FHIP1A: variants seen among roughly 807,000 people sequenced by gnomAD.
FHIP1A encodes the protein FHF complex subunit HOOK interacting protein 1A, also known as FHF complex subunit HOOK-interacting protein 1A.
In FHIP1A, 61 loss-of-function variants were observed where a neutral mutation model predicts 88.6. That is an observed-to-expected ratio of 0.69 (90% CI 0.56 to 0.85). The LOEUF (loss-of-function observed/expected upper bound fraction) is 0.85. Ranked by LOEUF, FHIP1A falls within the 40% of genes least tolerant of loss-of-function variation. The pLI is 0.00. For missense variants in FHIP1A, 1,154 were observed against 1,273.5 expected (o/e 0.91, Z 1.43); for synonymous variants, 478 against 496.0 (o/e 0.96, Z 0.48).
At chr4:151,418,798 G>A (rs745775498) in intron 1 of FHIP1A, among the ~76,000 whole-genome samples, 1 of 152,102 alleles carries the variant, frequency 6.6e-6, no homozygotes, top group Non-Finnish European at 1.5e-5. Context: ...CATCTTAATT[G>A]CCTACCAGAG....
intron 3 of FHIP1A, among the ~76,000 whole-genome samples, chr4:151,502,398 T>C (rs958189505): frequency 1.3e-5 from 2 of 151,772 alleles, no homozygotes; most frequent in Admixed American, 1.3e-4. Flanking sequence ...ATAGGTAATA[T>C]CAGTTTAAAA....
intron 7 of FHIP1A, among the ~76,000 whole-genome samples, chr4:151,595,642 A>G (rs1734618250): frequency 6.6e-6 from 1 of 152,168 alleles, no homozygotes; most frequent in Admixed American, 6.5e-5. Flanking sequence ...GTCTCCCGCT[A>G]TTATTGTGTG....
At chr4:151,616,787 G>T (rs1735549675) in intron 7 of FHIP1A, among the ~76,000 whole-genome samples, 1 of 148,420 alleles carries the variant, frequency 6.7e-6, no homozygotes, top group Non-Finnish European at 1.5e-5. Context: ...TCACTCTGTT[G>T]CCCAGGCTGG....
intron 11 of FHIP1A, among the ~76,000 whole-genome samples, chr4:151,652,590 G>C (rs1397422647): frequency 6.6e-6 from 1 of 152,202 alleles, no homozygotes; most frequent in Non-Finnish European, 1.5e-5. Context: ...ACTTTTAGAG[G>C]AGACCCCAAC....
chr4:151,449,266 C>T (rs1320909477), intron 1 of FHIP1A, among the ~76,000 whole-genome samples: 2 of 152,000 alleles, frequency 1.3e-5, no homozygotes, highest in Admixed American at 6.6e-5. Flanking sequence ...CACTACAATC[C>T]TTTGAGGCAG....
rs952878610 is a variant in FHIP1A at position 151,415,233 on chromosome 4, C to G, written c.-356+5768C>G. ...ATGGAGTCTTGCTCTGTCACCCAGG[C>G]TGGAGTGCAGTGGTGCAATGTCAGC... On this transcript the variant is annotated intron_variant, in intron 1 of 13. Coordinates refer to ENST00000435205, the MANE Select transcript of FHIP1A (RefSeq NM_001109977.3). Among the ~76,000 whole-genome samples the G allele has an allele frequency of 6.6e-5, 10 of 150,826 alleles. 1 individual carries two copies. The highest frequency in any genetic ancestry group is 1.5e-4 in the Non-Finnish European group (10 of 67,888).
intron 7 of FHIP1A, among the ~76,000 whole-genome samples, chr4:151,592,238 G>A (rs750589972): frequency 7.9e-5 from 12 of 152,016 alleles, no homozygotes; most frequent in Admixed American, 6.5e-5. Flanking sequence ...AGGTTCATGC[G>A]ATTCTCCTGC....
intron 8 of FHIP1A, among the ~76,000 whole-genome samples, chr4:151,630,178 CA>C (rs1736104048): frequency 6.6e-6 from 1 of 152,052 alleles, no homozygotes; most frequent in Non-Finnish European, 1.5e-5. Context: ...TCTGTGGGGG[CA>C]AGATGCAAGG....
chr4:151,509,923 G>C (rs971178734), intron 3 of FHIP1A, among the ~76,000 whole-genome samples: 9 of 152,100 alleles, frequency 5.9e-5, no homozygotes, highest in African/African-American at 1.9e-4. Flanking sequence ...CTTTTGGGAG[G>C]CCCAATAATT....
At chr4:151,640,779 C>T (rs1025942863) in intron 9 of FHIP1A, among the ~76,000 whole-genome samples, 2 of 152,182 alleles carry the variant, frequency 1.3e-5, no homozygotes, top group Non-Finnish European at 2.9e-5. Context: ...CTCTTGCTTG[C>T]TGGCTGTTCA....
intron 2 of FHIP1A, among the ~76,000 whole-genome samples, chr4:151,462,022 C>T (rs1046301726): frequency 1.4e-4 from 21 of 152,164 alleles, no homozygotes; most frequent in Non-Finnish European, 2.2e-4. Flanking sequence ...ATTAGCCAGG[C>T]ATGGTGGTGC....
intron 3 of FHIP1A, among the ~76,000 whole-genome samples, chr4:151,505,456 T>C (rs141909346): frequency 1.3e-5 from 2 of 152,324 alleles, no homozygotes; most frequent in East Asian, 3.9e-4. Context: ...TTACAGTCTA[T>C]CATCGACCCC....
intron 3 of FHIP1A, among the ~76,000 whole-genome samples, chr4:151,553,129 C>A (rs1368155945): frequency 6.6e-6 from 1 of 152,096 alleles, no homozygotes; most frequent in Admixed American, 6.6e-5. Flanking sequence ...TGAACATGAT[C>A]TACAGAAATT....
rs571671503 is a variant in FHIP1A at position 151,431,769 on chromosome 4, G to C, written c.-356+22304G>C. 2.6e-3 allele frequency among the ~76,000 whole-genome samples: 395 copies of C among 152,310 alleles called. 12 individuals carry two copies. In the South Asian group the frequency reaches 0.078, roughly 30 times the overall value. ...CAAGCAAAATGTATTGAAATATTCT[G>C]ACATGAGTTGAACAATTTAAAACTG... On this transcript the variant is annotated intron_variant, in intron 1 of 13. Transcript: ENST00000435205.
intron 3 of FHIP1A, among the ~76,000 whole-genome samples, chr4:151,513,629 CA>C (rs1731118289): frequency 2.0e-5 from 3 of 151,368 alleles, no homozygotes; most frequent in South Asian, 4.2e-4. Flanking sequence ...CAATGGAAAA[CA>C]AAAAAAGGCA....
At chr4:151,608,028 TTTC>T (rs1407525962) in intron 7 of FHIP1A, among the ~76,000 whole-genome samples, 220 of 141,842 alleles carry the variant, frequency 1.6e-3, no homozygotes, top group Non-Finnish European at 2.5e-3. Flanking sequence ...TTTCTTTTTC[TTTC>T]TTCTTCTTTT....
chr4:151,442,706 T>G (rs1228178064), intron 1 of FHIP1A, among the ~76,000 whole-genome samples: 1 of 151,982 alleles, frequency 6.6e-6, no homozygotes, highest in African/African-American at 2.4e-5. Context: ...GGGTTTGGAG[T>G]AGGGGAGGAT....
chr4:151,565,076 C>T (rs892508306), intron 3 of FHIP1A, among the ~76,000 whole-genome samples: 2 of 152,078 alleles, frequency 1.3e-5, no homozygotes, highest in Admixed American at 6.6e-5. Context: ...TGGCTACCCC[C>T]TGTTTTCTTT....
chr4:151,542,655 C>T (rs1732339693), intron 3 of FHIP1A, among the ~76,000 whole-genome samples: 1 of 152,150 alleles, frequency 6.6e-6, no homozygotes, highest in Non-Finnish European at 1.5e-5. Context: ...ATGAACTGGC[C>T]CCTGACTCCC....
Sources: allele counts gnomAD v4.1 joint callset (sites outside exome capture counted in the v4.1 genomes callset), GRCh38; gene constraint gnomAD v4.1.1; transcripts MANE v1.5; gene names NCBI Gene and HGNC (gene_info 2026-07-23, HGNC 2026-07-21).